The following GLMN variants were observed in gnomAD, a reference collection of about 807,000 sequenced individuals.
GLMN encodes glomulin.
In GLMN, 75 loss-of-function variants were observed where a neutral mutation model predicts 87.8. The observed-to-expected ratio is 0.85, with a 90% CI of 0.71 to 1.04. The LOEUF (loss-of-function observed/expected upper bound fraction) is 1.04. Ranked by LOEUF, GLMN falls within the 50% of genes least tolerant of loss-of-function variation. The pLI, the probability that GLMN is intolerant of heterozygous loss-of-function variation, is 0.00. For missense variants in GLMN, 588 were observed against 658.8 expected (o/e 0.89, Z 1.18); for synonymous variants, 206 against 221.6 (o/e 0.93, Z 0.63).
chr1:92,254,815 A>G (rs765039179), intron 16 of GLMN, among the ~76,000 whole-genome samples: 16 of 152,200 alleles, frequency 1.1e-4, no homozygotes, highest in South Asian at 2.1e-4. Context: ...ACAACCCAAA[A>G]TGTAAAGACC....
At chr1:92,299,122 C>G, upstream of GLMN, 1 of 1,522,368 alleles carries the variant, frequency 6.6e-7, no homozygotes, top group Admixed American at 2.1e-5. Context: ...GGCCGGGGCT[C>G]CCCGCTGCTC....
chr1:92,276,031 G>C (rs1028412711), intron 7 of GLMN, among the ~76,000 whole-genome samples: 1 of 152,076 alleles, frequency 6.6e-6, no homozygotes, highest in South Asian at 2.1e-4. Flanking sequence ...AGACCAGTCT[G>C]TACAACATAG....
chr1:92,324,228 T>A, the GLMN span: 1 of 1,614,104 alleles, frequency 6.2e-7, no homozygotes, highest in Non-Finnish European at 8.5e-7. Flanking sequence ...CTTTACCTTT[T>A]AGGGGCTCAG....
At chr1:92,253,899 A>T (rs994427438) in intron 16 of GLMN, among the ~76,000 whole-genome samples, 15 of 152,172 alleles carry the variant, frequency 9.9e-5, no homozygotes, top group African/African-American at 2.4e-5. Context: ...AAGGGAACAA[A>T]ACTGGACAGA....
chr1:92,279,365 G>A (rs1647683642), intron 7 of GLMN, among the ~76,000 whole-genome samples: 2 of 149,328 alleles, frequency 1.3e-5, no homozygotes, highest in Admixed American at 1.4e-4. Flanking sequence ...GCTGAGGCAG[G>A]AGAATTGCTT....
At chr1:92,294,835 C>T (rs1290908264) in intron 3 of GLMN, among the ~76,000 whole-genome samples, 7 of 152,102 alleles carry the variant, frequency 4.6e-5, no homozygotes, top group Non-Finnish European at 7.4e-5. Context: ...CGCACCATCA[C>T]GCCCAGCTAA....
chr1:92,318,673 C>G, the GLMN span, among the ~76,000 whole-genome samples: 1 of 152,112 alleles, frequency 6.6e-6, no homozygotes, highest in African/African-American at 2.4e-5. Flanking sequence ...GATAAAGTAC[C>G]CTCCTTTATC....
intron 7 of GLMN, 48 bp from the exon 8 acceptor site, chr1:92,271,700 G>GCCC: frequency 1.6e-6 from 2 of 1,271,388 alleles, no homozygotes; most frequent in Non-Finnish European, 2.3e-6. Context: ...ACTCTAAAAT[G>GCCC]CCCCCCACCC....
chr1:92,345,735 T>A, the GLMN span: 9 of 644,362 alleles, frequency 1.4e-5, no homozygotes, highest in Admixed American at 8.6e-5. Flanking sequence ...ACAAGTATTT[T>A]AAAAAAAAGT....
chr1:92,323,237 A>T, the GLMN span, among the ~76,000 whole-genome samples: 1 of 151,776 alleles, frequency 6.6e-6, no homozygotes, highest in Non-Finnish European at 1.5e-5. Context: ...ATATCAAAAA[A>T]TATATTATTA....
the GLMN span, among the ~76,000 whole-genome samples, chr1:92,362,200 C>T: frequency 6.6e-6 from 1 of 152,098 alleles, no homozygotes; most frequent in Non-Finnish European, 1.5e-5. Flanking sequence ...TCCTGATCAC[C>T]GAGTGTGTTT....
chr1:92,258,555 A>G (rs188770981), intron 16 of GLMN, among the ~76,000 whole-genome samples: 9 of 152,362 alleles, frequency 5.9e-5, no homozygotes, highest in Admixed American at 2.6e-4. Flanking sequence ...CATATATATC[A>G]TGGAATACTG....
the GLMN span, chr1:92,346,010 G>T: frequency 1.2e-6 from 1 of 818,556 alleles, no homozygotes; most frequent in South Asian, 1.6e-5. Flanking sequence ...AAACTGCCTT[G>T]GAAAATATCA....
the GLMN span, among the ~76,000 whole-genome samples, chr1:92,352,979 G>A: frequency 2.0e-5 from 3 of 152,072 alleles, no homozygotes; most frequent in Admixed American, 6.6e-5. Context: ...CTTCTTTCAC[G>A]TAACATGTTT....
At chr1:92,354,354 T>C in the GLMN span, among the ~76,000 whole-genome samples, 13 of 152,304 alleles carry the variant, frequency 8.5e-5, no homozygotes, top group Admixed American at 8.5e-4. Flanking sequence ...TCTGAGAGAA[T>C]TGTTACAAGG....
chr1:92,312,038 C>T, the GLMN span, among the ~76,000 whole-genome samples: 1 of 152,148 alleles, frequency 6.6e-6, no homozygotes, highest in East Asian at 1.9e-4. Flanking sequence ...CTGCACTGAT[C>T]GACTTCCTTT....
the GLMN span, among the ~76,000 whole-genome samples, chr1:92,350,392 G>A: frequency 6.6e-6 from 1 of 152,092 alleles, no homozygotes; most frequent in Non-Finnish European, 1.5e-5. Context: ...GAACTCATTA[G>A]AAATGCAATA....
the GLMN span, chr1:92,304,407 C>T: frequency 1.1e-6 from 1 of 890,194 alleles, no homozygotes. Flanking sequence ...AACCACTATC[C>T]TAACAAGGCA....
chr1:92,284,562 C>T (rs543454308), intron 7 of GLMN, among the ~76,000 whole-genome samples: 8 of 152,220 alleles, frequency 5.3e-5, no homozygotes, highest in African/African-American at 1.9e-4. Context: ...TAGGCATGGG[C>T]AAGGACTTCA....
Sources: allele counts gnomAD v4.1 joint callset (sites outside exome capture counted in the v4.1 genomes callset), GRCh38; gene constraint gnomAD v4.1.1; transcripts MANE v1.5; gene names NCBI Gene and HGNC (gene_info 2026-07-23, HGNC 2026-07-21).